The following ATG2B variants were observed in gnomAD, a reference collection of about 807,000 sequenced individuals.
The protein encoded by ATG2B is autophagy related 2B.
ATG2B carries 121 observed loss-of-function variants against 241.3 expected under a neutral mutation model. The observed-to-expected ratio is 0.50, with a 90% CI of 0.43 to 0.58. ATG2B has a LOEUF of 0.58. ATG2B is among the 20% of genes least tolerant of loss of function. ATG2B has a pLI of 0.00. For missense variants in ATG2B, 2,306 were observed against 2,491.6 expected (o/e 0.93, Z 1.59); for synonymous variants, 858 against 876.6 (o/e 0.98, Z 0.37).
Position 96,341,513 on chromosome 14 carries a change from A to G in ATG2B, c.924+9T>C. ...TGGTTTTACTACAGAAAGTGAAACA[A>G]ACACTGACCTTAGCTCCAGGAAGCA... On this transcript the variant is annotated intron_variant, in intron 6 of 41. Coordinates refer to ENST00000359933, the MANE Select transcript of ATG2B (RefSeq NM_018036.7). The G allele has an allele frequency of 6.4e-7, 1 of 1,556,462 alleles. No homozygotes were observed.
chr14:96,304,427 G>A (rs1005050268), intron 32 of ATG2B, 68 bp downstream of exon 32: 1 of 1,166,994 alleles, frequency 8.6e-7, no homozygotes, highest in Admixed American at 1.8e-5. Flanking sequence ...CTACGTGGTG[G>A]GGGATAACAA....
chr14:96,343,747 C>T (rs1888104014), intron 4 of ATG2B, among the ~76,000 whole-genome samples: 2 of 152,158 alleles, frequency 1.3e-5, no homozygotes, highest in Non-Finnish European at 2.9e-5. Context: ...TTCTTGAATT[C>T]CTATATGTGA....
At position 96,347,310 on chromosome 14, in the gene ATG2B, G is replaced by A. The variant is rs750906903; in HGVS notation, c.194C>T (p.Ala65Val). ...CLNEILESAD[A>V]PLEVTEGFIQ... ...GAATCCTTCAGTGACTTCTAAGGGT[G>A]CATCTGCTGACTCCAAGATCTCATT... is the stretch of plus-strand genomic sequence containing the variant. Residue 65 changes from alanine to valine, a missense_variant, in exon 2 of 42, where the codon GCA (alanine) becomes GTA (valine). Physicochemically the swap from Ala to Val is moderately conservative, Grantham distance 64. Coordinates refer to ENST00000359933, the MANE Select transcript of ATG2B (RefSeq NM_018036.7). 15 of 1,596,610 alleles carry A rather than the reference G, an allele frequency of 9.4e-6. No individual in the cohort carries two copies. Among genetic ancestry groups the A allele is most frequent in the Admixed American group, 6.7e-5 (4 of 59,640 alleles).
Position 96,353,642 on chromosome 14 carries a change from TTA to T in ATG2B, c.163-6303_163-6302del, listed in dbSNP as rs142823425. ...ATCTGTCTCAAAAAAATTTCATATT[TTA>T]TATATATATATATATAAATCATTAA... On this transcript the variant is annotated intron_variant, in intron 1 of 41. Coordinates refer to ENST00000359933, the MANE Select transcript of ATG2B (RefSeq NM_018036.7). Among the ~76,000 whole-genome samples the T allele has an allele frequency of 4.9e-3, 625 of 126,764 alleles. 22 individuals are homozygous for T. In the South Asian group the frequency reaches 0.064, roughly 13 times the overall value. The allele number at this position is 126,764 out of a possible 152,430, so 83.2% of individuals were successfully genotyped here.
intron 21 of ATG2B, 107 bp downstream of exon 21, chr14:96,316,426 G>T: frequency 8.5e-7 from 1 of 1,170,058 alleles, no homozygotes; most frequent in Non-Finnish European, 1.2e-6. Flanking sequence ...GCCCTCCACA[G>T]AAAATAATTT....
chr14:96,311,476 T>G, intron 27 of ATG2B, 66 bp downstream of exon 27: 1 of 1,392,214 alleles, frequency 7.2e-7, no homozygotes, highest in Non-Finnish European at 9.9e-7. Context: ...GGAAAAATGT[T>G]AAACTCAATT....
At chr14:96,304,688 A>C (rs887612487) in intron 31 of ATG2B, 85 bp from the exon 32 acceptor site, 1 of 1,082,422 alleles carries the variant, frequency 9.2e-7, no homozygotes, top group Non-Finnish European at 1.4e-6. Flanking sequence ...GAAAATGATA[A>C]GATGAAAGAC....
chr14:96,287,079 C>T (rs925214265), intron 41 of ATG2B, among the ~76,000 whole-genome samples: 5 of 151,834 alleles, frequency 3.3e-5, no homozygotes, highest in African/African-American at 1.2e-4. Context: ...CACAGTGAAA[C>T]CCCGTCTCTA....
intron 6 of ATG2B, among the ~76,000 whole-genome samples, chr14:96,339,118 C>CA (rs1887940987): frequency 6.6e-6 from 1 of 151,626 alleles, no homozygotes; most frequent in Non-Finnish European, 1.5e-5. Context: ...ATTAAAAAGT[C>CA]AAAAAACAAT....
intron 29 of ATG2B, 144 bp from the exon 30 acceptor site, chr14:96,307,060 T>A: frequency 1.4e-6 from 1 of 725,678 alleles, no homozygotes; most frequent in Non-Finnish European, 2.2e-6. Flanking sequence ...ATCTGAGGCT[T>A]AAAGAGAGCT....
chr14:96,337,349 C>T (rs1195004157), intron 6 of ATG2B, among the ~76,000 whole-genome samples: 1 of 152,080 alleles, frequency 6.6e-6, no homozygotes, highest in South Asian at 2.1e-4. Flanking sequence ...ACATTTTTAA[C>T]TAAGTAAATG....
intron 28 of ATG2B, among the ~76,000 whole-genome samples, chr14:96,310,700 T>C (rs1280758673): frequency 2.6e-5 from 4 of 152,162 alleles, no homozygotes; most frequent in Non-Finnish European, 5.9e-5. Context: ...AACTGGATTG[T>C]CTTAGAGATA....
At position 96,322,571 on chromosome 14, in the gene ATG2B, GA is replaced by G; in HGVS notation, c.2704del (p.Ser902LeufsTer5). On this transcript the variant is annotated frameshift_variant, in exon 17 of 42. Coordinates refer to ENST00000359933, the MANE Select transcript of ATG2B (RefSeq NM_018036.7). LOFTEE classifies it high-confidence loss of function. ...ATTTTCAAACATTACTCTACGAGAA[GA>G]AAAAGGAGATGGGGCTGGTCTTCTT... ...DLRRPAPSPF[S>X]SRRVMFENEQ... 1 of 1,612,548 alleles carries G rather than the reference GA, an allele frequency of 6.2e-7. No individual in the cohort carries two copies.
At chr14:96,302,519 G>A (rs1886820294) in intron 33 of ATG2B, among the ~76,000 whole-genome samples, 1 of 152,150 alleles carries the variant, frequency 6.6e-6, no homozygotes, top group Admixed American at 6.5e-5. Context: ...GGAGGTCACG[G>A]CTGCAGTGAA....
chr14:96,289,520 C>T lies in ATG2B; in HGVS notation c.6006+136G>A. On this transcript the variant is annotated intron_variant, in intron 41 of 41. Transcript: ENST00000359933. The surrounding 1 kb of genome is among the most constrained non-coding windows in gnomAD (Gnocchi z 4.3). ...CCATCACCTCACACAGATATGGGCA[C>T]ATGTTATTAGTGGCAGTTGCCATTC... The T allele has an allele frequency of 3.9e-6, 4 of 1,036,950 alleles. No homozygotes were observed. Among genetic ancestry groups the T allele is most frequent in the Non-Finnish European group, 5.7e-6 (4 of 703,652 alleles). 64.2% of individuals were successfully genotyped at this position (1,036,950 alleles called of 1,614,324 possible).
chr14:96,329,565 A>G lies in ATG2B; in HGVS notation c.1800T>C (p.Thr600=). The G allele has an allele frequency of 6.2e-7, 1 of 1,611,278 alleles. No individual in the cohort carries two copies. The highest frequency in any genetic ancestry group is 8.5e-7 in the Non-Finnish European group (1 of 1,177,628). ...ATTCCATTTGCCCAATGGACATATC[A>G]GTACTAAAATATCGGGAAGCTGATC... is the stretch of plus-strand genomic sequence containing the variant. ...RQRSASRYFS[T]DMSIGQMEFL... is the part of the protein sequence containing the mutation. The change falls in exon 12 of 42, where the codon ACT becomes ACC. Residue 600 remains threonine, a synonymous_variant. Transcript: ENST00000359933.
At position 96,292,113 on chromosome 14, in the gene ATG2B, A is replaced by T; in HGVS notation, c.5427-15T>A. On this transcript the variant is annotated splice_polypyrimidine_tract_variant and intron_variant, in intron 36 of 41. Transcript: ENST00000359933. The stretch of plus-strand genomic sequence containing the variant: ...ATCTAAATTCTCTGAAGATAAAGGA[A>T]GGAGGGAGTTATTTACATTTACAAT... The T allele has an allele frequency of 6.5e-7, 1 of 1,550,046 alleles. No homozygotes were observed. The highest frequency in any genetic ancestry group is 1.8e-5 in the Admixed American group (1 of 55,986).
chr14:96,293,281 C>G (rs1886538095), intron 36 of ATG2B: 1 of 152,294 alleles, frequency 6.6e-6, no homozygotes, highest in South Asian at 2.1e-4. Flanking sequence ...CCAGGTCACG[C>G]CCATCCCCTG....
chr14:96,317,962 C>A (rs771653091), intron 18 of ATG2B, 107 bp from the exon 19 acceptor site: 1 of 771,200 alleles, frequency 1.3e-6, no homozygotes, highest in Non-Finnish European at 2.0e-6. Context: ...ATTTTTTAAA[C>A]GGCAAAATGG....
Sources: gnomAD v4.1 joint callset for allele counts (sites outside exome capture counted in the v4.1 genomes callset) on GRCh38, gnomAD v4.1.1 for gene constraint, Gnocchi (gnomAD v3.1) non-coding constraint, MANE v1.5 for transcripts, NCBI Gene and HGNC (gene_info 2026-07-23, HGNC 2026-07-21) for gene names.